RPS6KC1: variants seen among roughly 807,000 people sequenced by gnomAD.
The protein encoded by RPS6KC1 is ribosomal protein S6 kinase C1.
In RPS6KC1, 54 loss-of-function variants were observed where a neutral mutation model predicts 103.8. The ratio of observed to expected loss-of-function variants is 0.52; its 90% CI spans 0.42 to 0.65. The LOEUF (loss-of-function observed/expected upper bound fraction) is 0.65. Ranked by LOEUF, RPS6KC1 falls within the 30% of genes least tolerant of loss-of-function variation. The pLI, the probability that RPS6KC1 is intolerant of heterozygous loss-of-function variation, is 0.00. For missense variants in RPS6KC1, 1,151 were observed against 1,253.8 expected (o/e 0.92, Z 1.24); for synonymous variants, 439 against 438.7 (o/e 1.00, Z -0.01).
chr1:213,458,222 C>T, the RPS6KC1 span, among the ~76,000 whole-genome samples: 1 of 152,148 alleles, frequency 6.6e-6, no homozygotes, highest in African/African-American at 2.4e-5. Flanking sequence ...CAAAGTTTAG[C>T]TCCCACTTAT....
chr1:213,319,057 C>T, the RPS6KC1 span, among the ~76,000 whole-genome samples: 1 of 152,110 alleles, frequency 6.6e-6, no homozygotes, highest in Non-Finnish European at 1.5e-5. Context: ...TGTCATCCTA[C>T]CACTTTGGGA....
At chr1:213,842,629 A>G in the RPS6KC1 span, among the ~76,000 whole-genome samples, 20 of 152,182 alleles carry the variant, frequency 1.3e-4, no homozygotes, top group Admixed American at 6.5e-4. Context: ...CAACACTTCC[A>G]TGGTCTTCAG....
the RPS6KC1 span, among the ~76,000 whole-genome samples, chr1:213,428,020 CTTCTG>C: frequency 0.029 from 4,395 of 152,284 alleles, 75 homozygotes; most frequent in East Asian, 0.06. Context: ...CCTGCCATTC[CTTCTG>C]TTATACTCTG....
intron 8 of RPS6KC1, among the ~76,000 whole-genome samples, chr1:213,179,684 G>A (rs2092138005): frequency 6.6e-6 from 1 of 151,998 alleles, no homozygotes; most frequent in South Asian, 2.1e-4. Context: ...TATTAACCTA[G>A]GAAAAATACA....
chr1:213,209,643 C>T (rs895954608), intron 8 of RPS6KC1, among the ~76,000 whole-genome samples: 7 of 130,316 alleles, frequency 5.4e-5, no homozygotes, highest in Admixed American at 1.9e-4. Flanking sequence ...TGCAATGAGC[C>T]GAGATCATGC....
intron 14 of RPS6KC1, among the ~76,000 whole-genome samples, chr1:213,265,860 T>C (rs544645931): frequency 1.3e-5 from 2 of 152,342 alleles, no homozygotes; most frequent in East Asian, 3.9e-4. Flanking sequence ...AGTGTAATGT[T>C]GTTGTTAAGA....
intron 6 of RPS6KC1, among the ~76,000 whole-genome samples, chr1:213,150,974 C>T (rs1186042488): frequency 3.1e-4 from 42 of 134,780 alleles, no homozygotes; most frequent in Admixed American, 5.0e-4. Context: ...CCGGATGGGG[C>T]GGCTGGCCGG....
the RPS6KC1 span, among the ~76,000 whole-genome samples, chr1:213,356,573 T>C: frequency 1.3e-5 from 2 of 152,194 alleles, no homozygotes; most frequent in African/African-American, 2.4e-5. Context: ...GGAGAATCAC[T>C]TGAACCTGAG....
At chr1:213,227,484 A>G (rs1377424800) in intron 8 of RPS6KC1, among the ~76,000 whole-genome samples, 3 of 152,262 alleles carry the variant, frequency 2.0e-5, no homozygotes, top group African/African-American at 7.2e-5. Context: ...AGTCTGACAC[A>G]GTTACTGGGT....
At chr1:213,115,902 A>T (rs1199329227) in intron 4 of RPS6KC1, among the ~76,000 whole-genome samples, 1 of 152,074 alleles carries the variant, frequency 6.6e-6, no homozygotes, top group Non-Finnish European at 1.5e-5. Flanking sequence ...GTTTGATTGC[A>T]CTGTGGTCTG....
chr1:213,514,603 C>T, the RPS6KC1 span, among the ~76,000 whole-genome samples: 1 of 151,994 alleles, frequency 6.6e-6, no homozygotes. Context: ...TGTATATGTG[C>T]CACATTTTCT....
intron 8 of RPS6KC1, among the ~76,000 whole-genome samples, chr1:213,228,272 G>A (rs1043548749): frequency 2.0e-5 from 3 of 152,174 alleles, no homozygotes; most frequent in African/African-American, 4.8e-5. Context: ...AGCAGTAATA[G>A]CAACTAGCTG....
chr1:213,087,626 T>G (rs946046772), intron 3 of RPS6KC1, among the ~76,000 whole-genome samples: 4 of 152,208 alleles, frequency 2.6e-5, no homozygotes, highest in African/African-American at 9.7e-5. Flanking sequence ...TCCTATGGAT[T>G]TTGTTTTTTC....
the RPS6KC1 span, among the ~76,000 whole-genome samples, chr1:213,758,083 T>G: frequency 4.6e-5 from 7 of 152,218 alleles, no homozygotes; most frequent in African/African-American, 1.7e-4. Flanking sequence ...TACAAGGAGA[T>G]GAATGTTGTT....
At chr1:213,444,182 A>G in the RPS6KC1 span, among the ~76,000 whole-genome samples, 1 of 152,130 alleles carries the variant, frequency 6.6e-6, no homozygotes, top group Non-Finnish European at 1.5e-5. Flanking sequence ...CTCTCTGTGC[A>G]TGTCTGTTGG....
chr1:213,248,393 G>A (rs2094490416), intron 12 of RPS6KC1, among the ~76,000 whole-genome samples: 1 of 152,110 alleles, frequency 6.6e-6, no homozygotes, highest in Non-Finnish European at 1.5e-5. Context: ...TGATTAACAA[G>A]TATGTTTAGT....
chr1:213,504,879 G>A, the RPS6KC1 span, among the ~76,000 whole-genome samples: 4 of 152,154 alleles, frequency 2.6e-5, no homozygotes, highest in Admixed American at 1.3e-4. Context: ...AGGAGGGGAG[G>A]TGCCCTTTTC....
chr1:213,672,581 CTCCT>C, the RPS6KC1 span, among the ~76,000 whole-genome samples: 749 of 152,268 alleles, frequency 4.9e-3, 7 homozygotes, highest in African/African-American at 0.017. Context: ...ACCCCTTTAT[CTCCT>C]CTGTGGGGAC....
At chr1:213,488,019 G>A in the RPS6KC1 span, among the ~76,000 whole-genome samples, 2 of 152,108 alleles carry the variant, frequency 1.3e-5, no homozygotes, top group South Asian at 4.2e-4. Context: ...TAAGAATCAT[G>A]TACTCCAGGT....
Sources: gnomAD v4.1 joint callset for allele counts (sites outside exome capture counted in the v4.1 genomes callset) on GRCh38, gnomAD v4.1.1 for gene constraint, MANE v1.5 for transcripts, NCBI Gene and HGNC (gene_info 2026-07-23, HGNC 2026-07-21) for gene names.